Variants in NAA11 observed in about 807,000 individuals in gnomAD.
The protein encoded by NAA11 is N-alpha-acetyltransferase 11, NatA catalytic subunit.
NAA11 carries 15 observed loss-of-function variants against 16.1 expected under a neutral mutation model. The ratio of observed to expected loss-of-function variants is 0.93; its 90% confidence interval spans 0.62 to 1.44. NAA11 has a LOEUF of 1.44. Among genes scored for constraint, NAA11 ranks in the 40% most tolerant of loss-of-function variants. The pLI, the probability that NAA11 is intolerant of heterozygous loss-of-function variation, is 0.00. For synonymous variants in NAA11, 122 were observed against 112.4 expected, an observed-to-expected ratio of 1.09 and a Z score of -0.54; for missense variants, 298 against 291.3, an observed-to-expected ratio of 1.02 and a Z score of -0.17.
chr4:79,272,844 C>T (rs746089220), intron 2 of NAA11, among the ~76,000 whole-genome samples: 8 of 151,856 alleles, frequency 5.3e-5, no homozygotes, highest in Admixed American at 4.6e-4. Flanking sequence ...TCTACTGGAA[C>T]GGGTTGAATT....
intron 2 of NAA11, among the ~76,000 whole-genome samples, chr4:79,287,333 A>G (rs990654595): frequency 6.6e-6 from 1 of 152,130 alleles, no homozygotes; most frequent in African/African-American, 2.4e-5. Context: ...TGGCTTTGAC[A>G]TAACTCAGGA....
At chr4:79,319,903 T>C (rs894542550) in intron 1 of NAA11, among the ~76,000 whole-genome samples, 1 of 152,212 alleles carries the variant, frequency 6.6e-6, no homozygotes, top group Non-Finnish European at 1.5e-5. Flanking sequence ...ACAGTCTATT[T>C]CAGTGACTGC....
intron 2 of NAA11, among the ~76,000 whole-genome samples, chr4:79,253,421 T>C (rs1197686383): frequency 1.3e-5 from 2 of 152,062 alleles, no homozygotes; most frequent in Non-Finnish European, 2.9e-5. Flanking sequence ...GGAGTAAGTA[T>C]AGAGAAGAGA....
downstream of NAA11, among the ~76,000 whole-genome samples, chr4:79,222,017 G>T (rs1351461027): frequency 1.9e-4 from 28 of 145,308 alleles, 1 homozygote; most frequent in South Asian, 1.2e-3. Flanking sequence ...GACTCTTTTT[G>T]GTTGGTAAGC....
the NAA11 span, among the ~76,000 whole-genome samples, chr4:79,198,880 C>T: frequency 6.6e-6 from 1 of 151,880 alleles, no homozygotes; most frequent in Non-Finnish European, 1.5e-5. Flanking sequence ...TTCATATTCA[C>T]ATACCCAAAT....
intron 1 of NAA11, among the ~76,000 whole-genome samples, chr4:79,303,917 T>C (rs1723485125): frequency 6.6e-6 from 1 of 152,210 alleles, no homozygotes; most frequent in Admixed American, 6.5e-5. Flanking sequence ...TCTTTCATCT[T>C]TATATCACAT....
chr4:79,213,440 GA>G, the NAA11 span, among the ~76,000 whole-genome samples: 1 of 151,938 alleles, frequency 6.6e-6, no homozygotes, highest in African/African-American at 2.4e-5. Context: ...TTCAGATTTG[GA>G]AAAACTCCTT....
intron 1 of NAA11, among the ~76,000 whole-genome samples, chr4:79,304,187 C>A (rs958513197): frequency 6.6e-6 from 1 of 152,088 alleles, no homozygotes; most frequent in African/African-American, 2.4e-5. Context: ...TTATCATGAA[C>A]CTCAGCATCT....
chr4:79,307,970 T>A (rs969195122), intron 1 of NAA11, among the ~76,000 whole-genome samples: 3 of 152,166 alleles, frequency 2.0e-5, no homozygotes, highest in Admixed American at 6.5e-5. Flanking sequence ...GCTTTATAAC[T>A]TTGCCCCTAT....
the NAA11 span, among the ~76,000 whole-genome samples, chr4:79,163,611 G>A: frequency 8.5e-5 from 13 of 152,096 alleles, 1 homozygote; most frequent in Admixed American, 2.0e-4. Flanking sequence ...TTGTTCCCAG[G>A]TATTTCTGCA....
At chr4:79,273,169 A>C (rs569944629) in intron 2 of NAA11, among the ~76,000 whole-genome samples, 18 of 151,946 alleles carry the variant, frequency 1.2e-4, no homozygotes, top group Non-Finnish European at 2.5e-4. Flanking sequence ...CATAGATTCC[A>C]CCTTTCGATG....
At chr4:79,202,544 A>ACACG in the NAA11 span, among the ~76,000 whole-genome samples, 4 of 135,464 alleles carry the variant, frequency 3.0e-5, no homozygotes, top group Admixed American at 7.6e-5. Flanking sequence ...ACACACACGC[A>ACACG]CACACACACA....
the NAA11 span, among the ~76,000 whole-genome samples, chr4:79,157,490 T>TA: frequency 6.6e-6 from 1 of 151,836 alleles, no homozygotes; most frequent in Non-Finnish European, 1.5e-5. Flanking sequence ...AATATATATA[T>TA]ACACACATAT....
chr4:79,309,081 T>C (rs1723677678), intron 1 of NAA11, among the ~76,000 whole-genome samples: 1 of 150,382 alleles, frequency 6.6e-6, no homozygotes, highest in Non-Finnish European at 1.5e-5. Context: ...TCTCTTTTCT[T>C]AGGAAGTTTT....
intron 2 of NAA11, among the ~76,000 whole-genome samples, chr4:79,257,753 A>G (rs1722154426): frequency 6.6e-6 from 1 of 152,112 alleles, no homozygotes; most frequent in South Asian, 2.1e-4. Context: ...CATTTTATTA[A>G]TACATTTTAA....
At chr4:79,185,635 C>G in the NAA11 span, among the ~76,000 whole-genome samples, 1 of 152,136 alleles carries the variant, frequency 6.6e-6, no homozygotes, top group East Asian at 1.9e-4. Flanking sequence ...TCTTTCCTCC[C>G]CAATTAAAAG....
intron 2 of NAA11, among the ~76,000 whole-genome samples, chr4:79,264,670 A>G (rs1722307007): frequency 6.6e-6 from 1 of 152,152 alleles, no homozygotes; most frequent in South Asian, 2.1e-4. Context: ...TCCTTGAAAC[A>G]CTGCCTGTGT....
intron 2 of NAA11, among the ~76,000 whole-genome samples, chr4:79,248,761 G>A (rs141104021): frequency 2.6e-5 from 4 of 152,284 alleles, no homozygotes; most frequent in African/African-American, 4.8e-5. Context: ...AAACCTGCAC[G>A]TGGAGAACAG....
chr4:79,303,448 C>T (rs772482980), intron 1 of NAA11, among the ~76,000 whole-genome samples: 3 of 152,004 alleles, frequency 2.0e-5, no homozygotes, highest in Non-Finnish European at 4.4e-5. Flanking sequence ...TCATTACACC[C>T]GCTCTTCCTG....
Sources: allele counts gnomAD v4.1 joint callset (sites outside exome capture counted in the v4.1 genomes callset), GRCh38; gene constraint gnomAD v4.1.1; transcripts MANE v1.5; gene names NCBI Gene and HGNC (gene_info 2026-07-23, HGNC 2026-07-21).